Variants in ZFX observed in about 807,000 individuals in gnomAD.
The protein encoded by ZFX is zinc finger protein X-linked.
For synonymous variants in ZFX, 196 were observed against 226.8 expected (o/e 0.86, Z 1.22); for missense variants, 362 against 628.3 (o/e 0.58, Z 4.53).
At chrX:24,203,032 G>A (rs1937400781) in intron 5 of ZFX, among the ~76,000 whole-genome samples, 1 of 112,048 alleles carries the variant, frequency 8.9e-6, no homozygotes, top group African/African-American at 3.2e-5. Context: ...GGCTTTTCAG[G>A]ACGTTATTCT....
intron 4 of ZFX, chrX:24,173,748 C>T: frequency 2.4e-6 from 1 of 415,986 alleles, no homozygotes; most frequent in Non-Finnish European, 4.1e-6. Context: ...GTCTGGCTAA[C>T]TTTTGTATTT....
intron 5 of ZFX, among the ~76,000 whole-genome samples, chrX:24,183,812 AACCTCCACCCC>A (rs1478506959): frequency 7.3e-5 from 3 of 41,066 alleles, no homozygotes; most frequent in Non-Finnish European, 1.4e-4. Context: ...GGCTCACTGC[AACCTCCACCCC>A]GGCTCACTGC....
chrX:24,210,642 G>C lies in ZFX; in HGVS notation c.1684G>C (p.Glu562Gln). ...TGGTAAGGGTTTTCGTCACCCGTCA[G>C]AGCTCAAAAAGCACATGAGAATCCA... Reference protein sequence around the residue: ...ECGKGFRHPSELKKHMRIHTG... With the variant: ...ECGKGFRHPSQLKKHMRIHTG... Residue 562 changes from glutamate (E) to glutamine (Q), a missense_variant, in exon 10 of 10, where the codon GAG becomes CAG. Transcript: ENST00000304543. 8.3e-7 allele frequency: 1 copy of C among 1,211,737 alleles called. No individual in the cohort carries two copies. Among genetic ancestry groups the C allele is most frequent in the Non-Finnish European group, 1.1e-6 (1 of 895,580 alleles).
chrX:24,157,851 C>T lies in ZFX; in HGVS notation c.-29+5021C>T, dbSNP rs1304997687. Reference sequence around the variant, plus strand: ...TCAGCTCACTGCAACCTCCGCCTCCCGGGTTCAAGCAATTCTCCTGCCTCA... The same window carrying T: ...TCAGCTCACTGCAACCTCCGCCTCCTGGGTTCAAGCAATTCTCCTGCCTCA... On this transcript the variant is annotated intron_variant, in intron 3 of 9. Coordinates refer to ENST00000304543, the MANE Select transcript of ZFX (RefSeq NM_003410.4). 4.5e-5 allele frequency among the ~76,000 whole-genome samples: 5 copies of T among 111,419 alleles called. No individual in the cohort carries two copies. In the East Asian group the frequency reaches 1.4e-3, roughly 31 times the overall value.
rs200600175 is a variant in ZFX, at chrX:24,166,598, AT to A, written c.-28-6109del. Among the ~76,000 whole-genome samples, 1,019 of 111,017 alleles carry A rather than the reference AT, an allele frequency of 9.2e-3. 10 individuals carry two copies. Among genetic ancestry groups the A allele is most frequent in the African/African-American group, 0.031 (952 of 30,570 alleles). The stretch of plus-strand genomic sequence containing the variant: ...TTGTTGTAACCTTCCACTACTATTG[AT>A]TTTTTTTATTACTGTCTCATAGGTT... On this transcript the variant is annotated intron_variant, in intron 3 of 9. Coordinates refer to ENST00000304543, the MANE Select transcript of ZFX (RefSeq NM_003410.4).
chrX:24,173,036 TC>T (rs1934773296), intron 4 of ZFX: 3 of 293,194 alleles, frequency 1.0e-5, no homozygotes, highest in Admixed American at 5.8e-5. Context: ...AGTTTTATCT[TC>T]AGTTATGAAG....
At chrX:24,168,671 C>CTTTTTTTT (rs141296315) in intron 3 of ZFX, among the ~76,000 whole-genome samples, 26 of 83,224 alleles carry the variant, frequency 3.1e-4, no homozygotes, top group African/African-American at 3.7e-4. Flanking sequence ...TTCTTTCTTT[C>CTTTTTTTT]TTTTTTTTTT....
At chrX:24,160,283 A>T (rs886508864) in intron 3 of ZFX, among the ~76,000 whole-genome samples, 39 of 103,684 alleles carry the variant, frequency 3.8e-4, no homozygotes, top group African/African-American at 1.1e-3. Flanking sequence ...GATGCTATTT[A>T]AAAAAATTGA....
Position 24,213,518 on chromosome X carries a change from T to C in ZFX, c.*2142T>C, listed in dbSNP as rs1376782105. 1 of 110,988 alleles carries C rather than the reference T, an allele frequency of 9.0e-6. No individual in the cohort carries two copies. The highest frequency in any genetic ancestry group is 3.3e-5 in the African/African-American group (1 of 30,381). 9.1% of individuals were successfully genotyped at this position (110,988 alleles called of 1,213,427 possible). ...GGTTAGAAATCAAAATATTTGGTGT[T>C]TGGCAAACCTCTGAAGTGCTAGACT... On this transcript the variant is annotated 3_prime_UTR_variant, in exon 10 of 10. Transcript: ENST00000304543.
At chrX:24,181,805 G>A (rs1192639455) in intron 5 of ZFX, among the ~76,000 whole-genome samples, 1 of 111,031 alleles carries the variant, frequency 9.0e-6, no homozygotes, top group Non-Finnish European at 1.9e-5. Context: ...TTTAGTTTTC[G>A]CCATTCTGAT....
At chrX:24,149,111 G>A (rs1931639905), upstream of ZFX, 2 of 107,518 alleles carry the variant, frequency 1.9e-5, no homozygotes, top group Admixed American at 1.9e-4. Context: ...TTTTTTAAGC[G>A]AAGGCAGGGG....
chrX:24,193,294 A>G (rs769989907), intron 5 of ZFX, among the ~76,000 whole-genome samples: 2 of 112,432 alleles, frequency 1.8e-5, no homozygotes, highest in Non-Finnish European at 3.7e-5. Context: ...TGCAATATGG[A>G]TGAACCTCGA....
chrX:24,163,686 A>G (rs977455522), intron 3 of ZFX, among the ~76,000 whole-genome samples: 1 of 107,177 alleles, frequency 9.3e-6, no homozygotes, highest in African/African-American at 3.4e-5. Context: ...CCGCCTAGCT[A>G]ATTTTTAAAA....
At chrX:24,175,021 ATC>A (rs763984155) in intron 4 of ZFX, among the ~76,000 whole-genome samples, 57 of 111,954 alleles carry the variant, frequency 5.1e-4, no homozygotes, top group African/African-American at 1.8e-3. Context: ...ATTTTCTTGA[ATC>A]TCTAAATCCA....
At chrX:24,170,603 CTTTAATTTTTTTT>C (rs1934490841) in intron 3 of ZFX, among the ~76,000 whole-genome samples, 5 of 96,688 alleles carry the variant, frequency 5.2e-5, no homozygotes, top group South Asian at 9.5e-4. Flanking sequence ...AATTTTTTTT[CTTTAATTTTTTTT>C]TTTTTTTTTT....
At chrX:24,173,753 GTA>G in intron 4 of ZFX, 1 of 367,765 alleles carries the variant, frequency 2.7e-6, no homozygotes. Context: ...GCTAACTTTT[GTA>G]TTTTTTTTTT....
rs753632660 is a variant in ZFX, at chrX:24,210,164, A to G, written c.1235-29A>G. ...AACTGGAACAGAACTTGGTTTGAGCACTCATACTCCTTTCTTTTCCTTTTT... is the reference window on the plus strand; with the variant it reads ...AACTGGAACAGAACTTGGTTTGAGCGCTCATACTCCTTTCTTTTCCTTTTT... On this transcript the variant is annotated intron_variant, in intron 9 of 9. Transcript: ENST00000304543. The G allele has an allele frequency of 4.2e-6, 5 of 1,189,954 alleles. No homozygotes were observed. In the East Asian group the frequency reaches 1.5e-4, roughly 35 times the overall value.
chrX:24,186,619 T>C (rs1196907854), intron 5 of ZFX, among the ~76,000 whole-genome samples: 1 of 110,038 alleles, frequency 9.1e-6, no homozygotes, highest in Non-Finnish European at 1.9e-5. Context: ...CGAGACCCCA[T>C]CTCTTAAAAA....
At chrX:24,206,099 A>G (rs1937566124) in intron 5 of ZFX, among the ~76,000 whole-genome samples, 1 of 111,259 alleles carries the variant, frequency 9.0e-6, no homozygotes, top group African/African-American at 3.3e-5. Flanking sequence ...GCCAGCAAGG[A>G]CCTAGACTCA....
Sources: gnomAD v4.1 joint callset for allele counts (sites outside exome capture counted in the v4.1 genomes callset) on GRCh38, gnomAD v4.1.1 for gene constraint, MANE v1.5 for transcripts, NCBI Gene and HGNC (gene_info 2026-07-23, HGNC 2026-07-21) for gene names.